The following TAB2 variants were observed in gnomAD, a reference collection of about 807,000 sequenced individuals.
TAB2 encodes TGF-beta-activated kinase 1 and MAP3K7-binding protein 2.
TAB2 carries 3 observed loss-of-function variants against 65.0 expected under a neutral mutation model. The ratio of observed to expected loss-of-function variants is 0.05; its 90% confidence interval spans 0.02 to 0.12. TAB2 has a LOEUF of 0.12. TAB2 is among the 10% of genes least tolerant of loss of function. The probability of loss-of-function intolerance (pLI) is 1.00; values close to 1 mark genes in which losing one functional copy is unlikely to be tolerated. For missense variants in TAB2, 623 were observed against 840.3 expected (o/e 0.74, Z 3.20); for synonymous variants, 298 against 285.1 (o/e 1.05, Z -0.46).
At chr6:149,376,952 T>A (rs917421302) in intron 2 of TAB2, among the ~76,000 whole-genome samples, 2 of 151,378 alleles carry the variant, frequency 1.3e-5, no homozygotes, top group Non-Finnish European at 3.0e-5. Context: ...AGCTAGTTCT[T>A]CTGGAGGCTA....
chr6:149,388,143 T>C (rs538317103), intron 3 of TAB2, among the ~76,000 whole-genome samples: 27 of 152,368 alleles, frequency 1.8e-4, no homozygotes, highest in South Asian at 6.2e-4. Context: ...GATTTATTTC[T>C]AGCTCACATT....
intron 1 of TAB2, among the ~76,000 whole-genome samples, chr6:149,287,393 T>A (rs957776567): frequency 1.3e-5 from 2 of 151,798 alleles, no homozygotes; most frequent in African/African-American, 4.8e-5. Flanking sequence ...GAACTAGAAA[T>A]GCTCCCAGAA....
upstream of TAB2, chr6:149,317,384 G>C (rs965768286): frequency 1.8e-5 from 3 of 165,120 alleles, no homozygotes; most frequent in Non-Finnish European, 3.8e-5. This position sits in a 1 kb window ranked among gnomAD's most constrained non-coding sequence, Gnocchi z 4.7. Context: ...AGGGGTACAG[G>C]TCGGAGGAAG....
At chr6:149,254,701 A>G (rs1777969385) in intron 1 of TAB2, among the ~76,000 whole-genome samples, 1 of 152,226 alleles carries the variant, frequency 6.6e-6, no homozygotes, top group Admixed American at 6.5e-5. Flanking sequence ...TTTAAACTGG[A>G]CGAGAAAGAG....
intron 1 of TAB2, chr6:149,304,191 A>G (rs140648029): frequency 2.0e-5 from 3 of 152,434 alleles, no homozygotes; most frequent in East Asian, 1.9e-4. Flanking sequence ...CTTTCTCCCA[A>G]TGAGGTCTCC....
At chr6:149,357,439 A>ACACC (rs1780700678) in intron 1 of TAB2, among the ~76,000 whole-genome samples, 1 of 138,286 alleles carries the variant, frequency 7.2e-6, no homozygotes. Context: ...AAACACACAC[A>ACACC]CACACACACA....
Position 149,267,783 on chromosome 6 carries a change from T to C in TAB2, c.-121+49007T>C, listed in dbSNP as rs1218864636. ...CTAGGTGACAAGCCCGTACAGCATA[T>C]TACTGTACTGAATACTGTAGGCAAC... On this transcript the variant is annotated intron_variant, in intron 1 of 1. Coordinates refer to the TAB2 transcript ENST00000606202. Among the ~76,000 whole-genome samples, 3 of 152,166 alleles carry C rather than the reference T, an allele frequency of 2.0e-5. No individual in the cohort carries two copies. In the East Asian group the frequency reaches 5.8e-4, roughly 29 times the overall value.
intron 1 of TAB2, among the ~76,000 whole-genome samples, chr6:149,304,789 G>A (rs1779032717): frequency 6.6e-6 from 1 of 152,082 alleles, no homozygotes; most frequent in Non-Finnish European, 1.5e-5. Context: ...ACAGTATCCT[G>A]GGAGGATTGG....
chr6:149,221,855 C>T (rs1777155865), intron 1 of TAB2, among the ~76,000 whole-genome samples: 1 of 152,166 alleles, frequency 6.6e-6, no homozygotes, highest in African/African-American at 2.4e-5. Flanking sequence ...GATTTCCATT[C>T]CCACTACCAG....
chr6:149,228,731 C>T (rs1562380155), intron 1 of TAB2, among the ~76,000 whole-genome samples: 1 of 152,268 alleles, frequency 6.6e-6, no homozygotes, highest in Non-Finnish European at 1.5e-5. Context: ...AAAGCTCTCT[C>T]TAAATCAACC....
chr6:149,398,982 G>A (rs1042859593), intron 5 of TAB2, 122 bp from the exon 6 acceptor site: 8 of 831,364 alleles, frequency 9.6e-6, no homozygotes, highest in East Asian at 5.4e-5. Flanking sequence ...AGGTTAGAGG[G>A]GCAAAATAAA....
chr6:149,285,157 A>T (rs980915717), intron 1 of TAB2, among the ~76,000 whole-genome samples: 1 of 152,186 alleles, frequency 6.6e-6, no homozygotes, highest in African/African-American at 2.4e-5. Flanking sequence ...AAGAGGCTAC[A>T]TTCTCCTGGT....
intron 1 of TAB2, among the ~76,000 whole-genome samples, chr6:149,253,544 T>TGGGA (rs1420483716): frequency 7.5e-6 from 1 of 133,392 alleles, no homozygotes; most frequent in Non-Finnish European, 1.5e-5. Flanking sequence ...CACTTGAACC[T>TGGGA]GGGAGGTGGA....
At chr6:149,362,166 C>G (rs1018721666) in intron 1 of TAB2, among the ~76,000 whole-genome samples, 1 of 152,172 alleles carries the variant, frequency 6.6e-6, no homozygotes, top group South Asian at 2.1e-4. Context: ...TAGTAGTGCC[C>G]CATTCCCAGT....
intron 1 of TAB2, among the ~76,000 whole-genome samples, chr6:149,239,150 G>C (rs914419938): frequency 6.6e-6 from 1 of 152,206 alleles, no homozygotes; most frequent in African/African-American, 2.4e-5. Flanking sequence ...GATCACTGCA[G>C]ATACCACACA....
chr6:149,378,613 C>G lies in TAB2; in HGVS notation c.698C>G (p.Ser233Cys). Residue 233 changes from serine (S) to cysteine (C), a missense_variant, in exon 3 of 7, where the codon TCT becomes TGT. Ser to Cys is a moderately radical substitution (Grantham distance 112). Coordinates refer to ENST00000637181, the MANE Select transcript of TAB2 (RefSeq NM_001292034.3). ...GGTTRQTQQH[S>C]GWVSQFNPMN... ...ACAACTCGACAGACACAACAGCATT[C>G]TGGCTGGGTATCTCAGTTTAATCCC... 6.2e-7 allele frequency: 1 copy of G among 1,613,448 alleles called. No homozygotes were observed. Among genetic ancestry groups the G allele is most frequent in the Non-Finnish European group, 8.5e-7 (1 of 1,180,038 alleles).
chr6:149,305,964 C>T (rs1023086519), intron 1 of TAB2, among the ~76,000 whole-genome samples: 7 of 152,188 alleles, frequency 4.6e-5, no homozygotes, highest in Non-Finnish European at 8.8e-5. Context: ...TCTCCTTCAC[C>T]CACCTTTAAG....
intron 3 of TAB2, among the ~76,000 whole-genome samples, chr6:149,385,948 C>T (rs533021488): frequency 6.6e-6 from 1 of 152,222 alleles, no homozygotes; most frequent in East Asian, 1.9e-4. Flanking sequence ...CCAGCTTTTC[C>T]CTTATTTAAC....
intron 3 of TAB2, among the ~76,000 whole-genome samples, chr6:149,393,262 G>C (rs758763411): frequency 1.2e-4 from 18 of 152,086 alleles, no homozygotes; most frequent in Non-Finnish European, 2.4e-4. Flanking sequence ...TTTGTTTAAA[G>C]TGGAAAGAAA....
Sources: gnomAD v4.1 joint callset for allele counts (sites outside exome capture counted in the v4.1 genomes callset) on GRCh38, gnomAD v4.1.1 for gene constraint, Gnocchi (gnomAD v3.1) non-coding constraint, MANE v1.5 for transcripts, NCBI Gene and HGNC (gene_info 2026-07-23, HGNC 2026-07-21) for gene names.